The following PRKD1 variants were observed in gnomAD, a reference collection of about 807,000 sequenced individuals.
PRKD1 encodes the protein protein kinase D1.
PRKD1 carries 63 observed loss-of-function variants against 95.9 expected under a neutral mutation model. That is an observed-to-expected ratio of 0.66 (90% CI 0.54 to 0.81). The LOEUF (loss-of-function observed/expected upper bound fraction) is 0.81, where lower values mean the gene tolerates loss of function less well. PRKD1 is among the 30% of genes least tolerant of loss of function. The pLI, the probability that PRKD1 is intolerant of heterozygous loss-of-function variation, is 0.00. For synonymous variants in PRKD1, 425 were observed against 423.1 expected (o/e 1.00, Z -0.05); for missense variants, 1,048 against 1,165.3 (o/e 0.90, Z 1.47).
chr14:29,830,479 T>C (rs971276033), intron 1 of PRKD1, among the ~76,000 whole-genome samples: 1 of 152,210 alleles, frequency 6.6e-6, no homozygotes, highest in Non-Finnish European at 1.5e-5. Flanking sequence ...ACCCAGGATG[T>C]ACTCTGTATT....
At chr14:29,828,328 G>A (rs1891275630) in intron 1 of PRKD1, among the ~76,000 whole-genome samples, 2 of 152,078 alleles carry the variant, frequency 1.3e-5, no homozygotes. Flanking sequence ...GAGCAAGAGA[G>A]AGAAGGAGAA....
intron 4 of PRKD1, among the ~76,000 whole-genome samples, chr14:29,644,417 T>C (rs534691451): frequency 7.2e-5 from 11 of 152,136 alleles, no homozygotes; most frequent in African/African-American, 2.4e-4. Flanking sequence ...GTTGAGACTA[T>C]AGTAATTTGG....
chr14:29,797,860 A>G lies in PRKD1; in HGVS notation c.265-72186T>C, dbSNP rs374152926. On this transcript the variant is annotated intron_variant, in intron 1 of 17. Transcript: ENST00000331968. ...CTTTTTCTAGATGAACATGATTTTG[A>G]GGTAATCAGTGGTTAATACCAACAT... Among the ~76,000 whole-genome samples the G allele has an allele frequency of 5.3e-5, 8 of 152,290 alleles. No individual in the cohort carries two copies. In the South Asian group the frequency reaches 1.0e-3, roughly 20 times the overall value.
rs945617635 is a variant in PRKD1, at chr14:29,579,177, T to C, written c.2435-817A>G. Among the ~76,000 whole-genome samples, 6 of 151,982 alleles carry C rather than the reference T, an allele frequency of 3.9e-5. No homozygotes were observed. The South Asian group carries it at 8.3e-4, about 21-fold the overall frequency. On this transcript the variant is annotated intron_variant, in intron 16 of 17. Coordinates refer to ENST00000331968, the MANE Select transcript of PRKD1 (RefSeq NM_002742.3). Reference sequence around the variant, plus strand: ...ATCATCCTAGTTACCCACAGTATCATGTGATGGAGTTCTCACTCTCCTTTT... The same window carrying C: ...ATCATCCTAGTTACCCACAGTATCACGTGATGGAGTTCTCACTCTCCTTTT...
intron 1 of PRKD1, among the ~76,000 whole-genome samples, chr14:29,794,323 C>T (rs540688828): frequency 3.3e-5 from 5 of 151,672 alleles, no homozygotes; most frequent in East Asian, 3.9e-4. Flanking sequence ...CATGTAAATT[C>T]GTGAAGTAAA....
At chr14:29,659,110 T>A (rs1207468234) in intron 4 of PRKD1, among the ~76,000 whole-genome samples, 1 of 152,190 alleles carries the variant, frequency 6.6e-6, no homozygotes, top group Non-Finnish European at 1.5e-5. Context: ...TCTACCCAGA[T>A]CAAGATATAT....
At chr14:29,596,215 T>A (rs555840053) in intron 16 of PRKD1, among the ~76,000 whole-genome samples, 1 of 152,344 alleles carries the variant, frequency 6.6e-6, no homozygotes, top group South Asian at 2.1e-4. Flanking sequence ...AAGCGGTTTG[T>A]ACATTCTTTT....
chr14:29,619,454 G>A (rs1377150501), intron 13 of PRKD1, among the ~76,000 whole-genome samples: 1 of 152,122 alleles, frequency 6.6e-6, no homozygotes, highest in Non-Finnish European at 1.5e-5. Flanking sequence ...GCTAATATAT[G>A]CCAGGAACAA....
chr14:29,712,958 G>A (rs979537381), intron 2 of PRKD1, among the ~76,000 whole-genome samples: 3 of 152,086 alleles, frequency 2.0e-5, no homozygotes, highest in African/African-American at 7.2e-5. Flanking sequence ...AATAATTAAT[G>A]TCCATGAAGT....
At chr14:29,853,130 CAA>C (rs1386291475) in intron 1 of PRKD1, among the ~76,000 whole-genome samples, 23 of 152,104 alleles carry the variant, frequency 1.5e-4, no homozygotes, top group African/African-American at 4.6e-4. Context: ...GAAAAGATTA[CAA>C]GAGACAATGA....
At chr14:29,784,958 AC>A (rs1280304788) in intron 1 of PRKD1, among the ~76,000 whole-genome samples, 1 of 152,154 alleles carries the variant, frequency 6.6e-6, no homozygotes, top group Non-Finnish European at 1.5e-5. Flanking sequence ...CTGCATACAA[AC>A]TGTCTTTGTG....
chr14:29,630,604 C>G (rs1879933591), intron 10 of PRKD1, 138 bp downstream of exon 10: 2 of 1,089,270 alleles, frequency 1.8e-6, no homozygotes, highest in East Asian at 2.5e-5. Flanking sequence ...TTTAGACACC[C>G]TACATTCTAC....
At chr14:29,704,872 T>C (rs28645341) in intron 2 of PRKD1, among the ~76,000 whole-genome samples, 47,949 of 152,000 alleles carry the variant, frequency 0.32, 7,727 homozygotes, top group South Asian at 0.43. Context: ...ATTTGGTATA[T>C]CTCTTTTACA....
chr14:29,646,076 T>C (rs181075699), intron 4 of PRKD1, among the ~76,000 whole-genome samples: 78 of 152,310 alleles, frequency 5.1e-4, no homozygotes, highest in African/African-American at 1.8e-3. Context: ...ATTGCTGATA[T>C]ATACATATAT....
At chr14:29,680,929 G>T (rs746541680) in intron 2 of PRKD1, among the ~76,000 whole-genome samples, 1 of 152,198 alleles carries the variant, frequency 6.6e-6, no homozygotes, top group Non-Finnish European at 1.5e-5. Context: ...AGTGTCACAG[G>T]TAAAGAAAGA....
chr14:29,729,636 ATACT>A (rs540592487), intron 1 of PRKD1, among the ~76,000 whole-genome samples: 412 of 151,968 alleles, frequency 2.7e-3, no homozygotes, highest in Admixed American at 8.5e-3. Context: ...TTATTTTTCT[ATACT>A]TAGTTTCATG....
At chr14:29,660,871 G>C (rs1404195719) in intron 4 of PRKD1, among the ~76,000 whole-genome samples, 1 of 151,822 alleles carries the variant, frequency 6.6e-6, no homozygotes, top group African/African-American at 2.4e-5. Flanking sequence ...TTCCACTTAA[G>C]AATCTGCTGA....
chr14:29,861,285 TCTCAAATA>T (rs1892701104), intron 1 of PRKD1, among the ~76,000 whole-genome samples: 1 of 152,174 alleles, frequency 6.6e-6, no homozygotes, highest in African/African-American at 2.4e-5. Flanking sequence ...AGCTTGGTAA[TCTCAAATA>T]CCAGATGCCC....
chr14:29,597,654 G>T lies in PRKD1; in HGVS notation c.2271C>A (p.Asn757Lys). 1 of 1,614,038 alleles carries T rather than the reference G, an allele frequency of 6.2e-7. No homozygotes were observed. The highest frequency in any genetic ancestry group is 8.5e-7 in the Non-Finnish European group (1 of 1,179,966). Residue 757 changes from asparagine to lysine, a missense_variant, in exon 16 of 18, where the codon AAC becomes AAA. Coordinates refer to ENST00000331968, the MANE Select transcript of PRKD1 (RefSeq NM_002742.3). ...TGTCTAGAGAGCGATTGTAGCCCTTGTTCCTTAGGACCTCAGGAGCCAGGT... is the reference window on the plus strand; with the variant it reads ...TGTCTAGAGAGCGATTGTAGCCCTTTTTCCTTAGGACCTCAGGAGCCAGGT... ...PAYLAPEVLR[N>K]KGYNRSLDMW... is the part of the protein sequence containing the mutation.
Sources: allele counts gnomAD v4.1 joint callset (sites outside exome capture counted in the v4.1 genomes callset), GRCh38; gene constraint gnomAD v4.1.1; transcripts MANE v1.5; gene names NCBI Gene and HGNC (gene_info 2026-07-23, HGNC 2026-07-21).